Variants in ASXL1 observed in about 807,000 individuals in gnomAD.
The protein encoded by ASXL1 is ASXL transcriptional regulator 1.
Under a neutral mutation model 89.1 loss-of-function variants are expected in ASXL1, and 65 were observed. The ratio of observed to expected loss-of-function variants is 0.73; its 90% confidence interval spans 0.60 to 0.90. ASXL1 has a LOEUF of 0.90. Ranked by LOEUF, ASXL1 falls within the 40% of genes least tolerant of loss-of-function variation. The pLI is 0.00. For synonymous variants in ASXL1, 739 were observed against 746.9 expected, an observed-to-expected ratio of 0.99 and a Z score of 0.17; for missense variants, 1,786 against 1,942.9, an observed-to-expected ratio of 0.92 and a Z score of 1.52.
chr20:32,423,538 A>AT (rs773553256), intron 4 of ASXL1, among the ~76,000 whole-genome samples: 3 of 149,786 alleles, frequency 2.0e-5, no homozygotes, highest in Admixed American at 6.7e-5. Flanking sequence ...AATACCCAGC[A>AT]TTTTTTATTT....
chr20:32,416,208 A>G (rs966221183), intron 4 of ASXL1, among the ~76,000 whole-genome samples: 29 of 152,212 alleles, frequency 1.9e-4, no homozygotes, highest in Non-Finnish European at 3.4e-4. Context: ...TTTGAAATAT[A>G]TAGTAAATTA....
chr20:32,395,891 C>T (rs1421145015), intron 4 of ASXL1, among the ~76,000 whole-genome samples: 1 of 152,118 alleles, frequency 6.6e-6, no homozygotes, highest in African/African-American at 2.4e-5. Flanking sequence ...CTCCGCTTCC[C>T]AGGTTCAAGC....
At chr20:32,372,902 C>T (rs200121830) in intron 4 of ASXL1, among the ~76,000 whole-genome samples, 1 of 147,274 alleles carries the variant, frequency 6.8e-6, no homozygotes, top group East Asian at 2.1e-4. Context: ...CTTCATTATT[C>T]TTTTGACATT....
chr20:32,434,531 G>T lies in ASXL1; in HGVS notation c.1819G>T (p.Gly607Cys), dbSNP rs1369413951. The change falls in exon 13 of 13, where the codon GGT becomes TGT. Residue 607 changes from glycine (G) to cysteine (C), a missense_variant. Transcript: ENST00000375687. ...IIPTTESSCR[G>C]WTGARTLADI... ...CCCCACCACGGAGTCCTCCTGCCGGGGTTGGACTGGCGCCAGGACCCTCGC... is the reference window on the plus strand; with the variant it reads ...CCCCACCACGGAGTCCTCCTGCCGGTGTTGGACTGGCGCCAGGACCCTCGC... The T allele has an allele frequency of 6.2e-7, 1 of 1,613,830 alleles. No individual in the cohort carries two copies. Among genetic ancestry groups the T allele is most frequent in the Non-Finnish European group, 8.5e-7 (1 of 1,180,042 alleles).
intron 4 of ASXL1, among the ~76,000 whole-genome samples, chr20:32,410,549 A>G (rs2049025351): frequency 6.6e-6 from 1 of 152,200 alleles, no homozygotes; most frequent in Admixed American, 6.5e-5. Context: ...TGTGGATGTG[A>G]TCCTTCTTTC....
intron 4 of ASXL1, among the ~76,000 whole-genome samples, chr20:32,388,644 A>C (rs1045459275): frequency 2.0e-5 from 3 of 152,192 alleles, no homozygotes; most frequent in Non-Finnish European, 2.9e-5. Flanking sequence ...TGCTGGATTT[A>C]GGTTATAAAT....
At chr20:32,384,202 T>G (rs961468495) in intron 4 of ASXL1, among the ~76,000 whole-genome samples, 281 of 134,558 alleles carry the variant, frequency 2.1e-3, no homozygotes, top group Non-Finnish European at 3.3e-3. Flanking sequence ...CAGTCTGTTT[T>G]TTTTTTTTTT....
At chr20:32,423,072 T>C (rs755258520) in intron 4 of ASXL1, among the ~76,000 whole-genome samples, 37 of 152,332 alleles carry the variant, frequency 2.4e-4, no homozygotes, top group Middle Eastern at 6.8e-3. Context: ...GTATGAAAAG[T>C]CAATTATGTC....
At chr20:32,376,530 C>A (rs1191415738) in intron 4 of ASXL1, among the ~76,000 whole-genome samples, 1 of 151,584 alleles carries the variant, frequency 6.6e-6, no homozygotes, top group African/African-American at 2.4e-5. Flanking sequence ...CCCACCGCAG[C>A]CCCCCAAAGT....
intron 3 of ASXL1, among the ~76,000 whole-genome samples, chr20:32,368,685 T>G (rs995651993): frequency 1.7e-4 from 26 of 152,190 alleles, no homozygotes; most frequent in African/African-American, 6.3e-4. Flanking sequence ...TACTAAAAAT[T>G]TATTAACTTA....
intron 1 of ASXL1, 88 bp from the exon 2 acceptor site, chr20:32,366,295 CT>C (rs2048203171): frequency 8.6e-7 from 1 of 1,160,706 alleles, no homozygotes; most frequent in African/African-American, 1.5e-5. Context: ...CCAGCGGTAC[CT>C]CATAGCATAA....
At chr20:32,408,012 A>C (rs1283652675) in intron 4 of ASXL1, among the ~76,000 whole-genome samples, 2 of 152,108 alleles carry the variant, frequency 1.3e-5, no homozygotes, top group African/African-American at 2.4e-5. Context: ...ATCTTGGCTC[A>C]CTGCAATCTC....
At chr20:32,391,330 T>C (rs575718767) in intron 4 of ASXL1, among the ~76,000 whole-genome samples, 2 of 152,222 alleles carry the variant, frequency 1.3e-5, no homozygotes, top group Non-Finnish European at 2.9e-5. Context: ...TGAATAAATA[T>C]TTGTGTGTAA....
At chr20:32,386,084 T>C (rs2048574064) in intron 4 of ASXL1, among the ~76,000 whole-genome samples, 1 of 152,152 alleles carries the variant, frequency 6.6e-6, no homozygotes, top group South Asian at 2.1e-4. Context: ...TTATAATTAT[T>C]TGGGTGATTG....
At chr20:32,382,592 G>A (rs2048505889) in intron 4 of ASXL1, among the ~76,000 whole-genome samples, 1 of 145,202 alleles carries the variant, frequency 6.9e-6, no homozygotes, top group Non-Finnish European at 1.5e-5. Context: ...GGCAACATAT[G>A]GAGACCTCGT....
Position 32,368,951 on chromosome 20 carries a change from G to A in ASXL1, c.144-64G>A, listed in dbSNP as rs545406646. On this transcript the variant is annotated intron_variant, in intron 3 of 12. Coordinates refer to ENST00000375687, the MANE Select transcript of ASXL1 (RefSeq NM_015338.6). Reference sequence around the variant, plus strand: ...TTCTCATTTAAGAATGAGTTGGAGGGATTAGGTCTTTAAGTAGGCAGATGG... The same window carrying A: ...TTCTCATTTAAGAATGAGTTGGAGGAATTAGGTCTTTAAGTAGGCAGATGG... 284 of 1,369,044 alleles carry A rather than the reference G, an allele frequency of 2.1e-4. 1 individual carries two copies. In the African/African-American group the frequency reaches 3.5e-3, roughly 17 times the overall value. 84.8% of individuals were successfully genotyped at this position (1,369,044 alleles called of 1,614,324 possible). A position where few individuals can be genotyped will look rare whatever the true frequency, so the allele number is the denominator to read the frequency against.
intron 4 of ASXL1, among the ~76,000 whole-genome samples, chr20:32,379,572 T>C (rs2048451471): frequency 6.6e-6 from 1 of 151,000 alleles, no homozygotes; most frequent in African/African-American, 2.4e-5. Flanking sequence ...ACGCCTGTAA[T>C]CCCAGCACTT....
chr20:32,431,768 C>T (rs2011523083), intron 10 of ASXL1, 89 bp downstream of exon 10: 7 of 1,355,150 alleles, frequency 5.2e-6, no homozygotes, highest in East Asian at 2.3e-5. Flanking sequence ...CAAGCTCGCT[C>T]TTCTCAAAGG....
Position 32,379,363 on chromosome 20 carries a change from A to T in ASXL1, c.252+10240A>T, listed in dbSNP as rs571981264. 1.0e-4 allele frequency among the ~76,000 whole-genome samples: 15 copies of T among 143,240 alleles called. No individual in the cohort carries two copies. The East Asian group carries it at 2.7e-3, about 26-fold the overall frequency. The allele number at this position is 143,240 out of a possible 152,430, so 94.0% of individuals were successfully genotyped here. ...CCACGCCCAACTAATTTATTTATTTATTATTATTATTATTATTATTTTTTA... is the reference window on the plus strand; with the variant it reads ...CCACGCCCAACTAATTTATTTATTTTTTATTATTATTATTATTATTTTTTA... On this transcript the variant is annotated intron_variant, in intron 4 of 12. Transcript: ENST00000375687.
Sources: allele counts gnomAD v4.1 joint callset (sites outside exome capture counted in the v4.1 genomes callset), GRCh38; gene constraint gnomAD v4.1.1; transcripts MANE v1.5; gene names NCBI Gene and HGNC (gene_info 2026-07-23, HGNC 2026-07-21).